PRKCG: variants seen among roughly 807,000 people sequenced by gnomAD.
PRKCG encodes protein kinase C gamma type.
A neutral mutation model predicts 82.0 loss-of-function variants in PRKCG; 28 were observed. The observed-to-expected ratio is 0.34, with a 90% CI of 0.25 to 0.47. The LOEUF (loss-of-function observed/expected upper bound fraction) is 0.47. Ranked by LOEUF, PRKCG falls within the 20% of genes least tolerant of loss-of-function variation. The pLI is 1.00. For synonymous variants in PRKCG, 383 were observed against 376.6 expected, an observed-to-expected ratio of 1.02 and a Z score of -0.20; for missense variants, 640 against 952.7, an observed-to-expected ratio of 0.67 and a Z score of 4.32.
At chr19:53,906,283 T>C (rs2068810003) in intron 16 of PRKCG, 34 bp from the exon 17 acceptor site, 1 of 1,550,476 alleles carries the variant, frequency 6.4e-7, no homozygotes, top group Admixed American at 2.0e-5. Flanking sequence ...ACTCTGTCTG[T>C]TTGTCTGTCT....
chr19:53,899,267 T>A (rs1224148817), intron 11 of PRKCG, among the ~76,000 whole-genome samples: 1 of 151,418 alleles, frequency 6.6e-6, no homozygotes, highest in Non-Finnish European at 1.5e-5. Flanking sequence ...TTGGGGGGAG[T>A]GGCCAGATGC....
chr19:53,899,015 A>C (rs1166127823), intron 11 of PRKCG, among the ~76,000 whole-genome samples: 6 of 136,722 alleles, frequency 4.4e-5, no homozygotes, highest in Non-Finnish European at 9.2e-5. Flanking sequence ...AGGCGATGGG[A>C]TCATTAATAG....
chr19:53,903,850 CTAAA>C (rs2068782400), intron 15 of PRKCG, among the ~76,000 whole-genome samples: 1 of 152,138 alleles, frequency 6.6e-6, no homozygotes. Context: ...ATACAGTTGT[CTAAA>C]TATTTAAAAT....
rs1447086113 is a variant in PRKCG, at chr19:53,906,832, C to T, written c.2031C>T (p.Asn677=). The change falls in exon 18 of 18, where the codon AAC becomes AAT. Residue 677 remains asparagine (N), a synonymous_variant. Coordinates refer to ENST00000263431, the MANE Select transcript of PRKCG (RefSeq NM_002739.5). ...ATTTCCAGGGCTTCACCTACGTGAACCCCGACTTCGTGCACCCGGATGCCC... is the reference window on the plus strand; with the variant it reads ...ATTTCCAGGGCTTCACCTACGTGAATCCCGACTTCGTGCACCCGGATGCCC... ...QADFQGFTYV[N]PDFVHPDARS... 1.2e-6 allele frequency: 2 copies of T among 1,613,640 alleles called. No individual in the cohort carries two copies. Among genetic ancestry groups the T allele is most frequent in the Non-Finnish European group, 1.7e-6 (2 of 1,180,014 alleles).
At chr19:53,881,108 CAGG>C (rs1442928223), upstream of PRKCG, among the ~76,000 whole-genome samples, 1 of 84,366 alleles carries the variant, frequency 1.2e-5, no homozygotes, top group Admixed American at 1.4e-4. Context: ...GAGTCATAGA[CAGG>C]AGAGAGACCC....
intron 9 of PRKCG, among the ~76,000 whole-genome samples, chr19:53,895,351 T>C (rs2068709938): frequency 6.6e-6 from 1 of 151,708 alleles, no homozygotes; most frequent in African/African-American, 2.4e-5. Context: ...CAGCTGGGCA[T>C]GGTGGAGGCG....
intron 3 of PRKCG, among the ~76,000 whole-genome samples, chr19:53,886,577 A>C (rs1032447044): frequency 4.6e-5 from 7 of 152,122 alleles, no homozygotes; most frequent in African/African-American, 1.7e-4. Flanking sequence ...CTAATTAAAA[A>C]AAAATGTTTT....
rs1204631585 is a variant in PRKCG at position 53,882,512 on chromosome 19, C to G, written c.18C>G (p.Pro6=). Residue 6 remains proline, a synonymous_variant, in exon 1 of 18, where the codon CCC becomes CCG. Transcript: ENST00000263431. The surrounding 1 kb of genome is among the most constrained non-coding windows in gnomAD (Gnocchi z 6.1). ...CTGGGGCCATGGCTGGTCTGGGCCCCGGCGTAGGCGATTCAGAGGGGGGAC... is the reference window on the plus strand; with the variant it reads ...CTGGGGCCATGGCTGGTCTGGGCCCGGGCGTAGGCGATTCAGAGGGGGGAC... MAGLG[P]GVGDSEGGPR... 6.8e-6 allele frequency: 11 copies of G among 1,613,990 alleles called. No homozygotes were observed. Among genetic ancestry groups the G allele is most frequent in the Non-Finnish European group, 9.3e-6 (11 of 1,179,932 alleles).
At chr19:53,891,400 C>T (rs544838683) in intron 5 of PRKCG, among the ~76,000 whole-genome samples, 22 of 151,900 alleles carry the variant, frequency 1.4e-4, no homozygotes, top group Admixed American at 1.2e-3. Flanking sequence ...CCTCAGCCTC[C>T]TGAGTAGCTG....
intron 16 of PRKCG, among the ~76,000 whole-genome samples, chr19:53,906,084 C>CTTCTTCTTCTTCTT (rs1555808689): frequency 4.3e-4 from 12 of 27,972 alleles, no homozygotes; most frequent in East Asian, 2.0e-3. Context: ...TCCTCCTCCT[C>CTTCTTCTTCTTCTT]CTTCTTCTTC....
Position 53,883,272 on chromosome 19 carries a change from C to G in PRKCG, c.202+78C>G, listed in dbSNP as rs2068606600. 6.5e-7 allele frequency: 1 copy of G among 1,548,892 alleles called. No homozygotes were observed. Among genetic ancestry groups the G allele is most frequent in the Admixed American group, 1.7e-5 (1 of 59,812 alleles). The stretch of plus-strand genomic sequence containing the variant: ...GCCCCACAGCTGAGGCTGCTTGACA[C>G]ACGTGTTCTCTGGTCCCCAGAGAGG... On this transcript the variant is annotated intron_variant, in intron 2 of 17. Coordinates refer to ENST00000263431, the MANE Select transcript of PRKCG (RefSeq NM_002739.5). This position sits in a 1 kb window ranked among gnomAD's most constrained non-coding sequence, Gnocchi z 5.4.
chr19:53,887,605 C>T lies in PRKCG; in HGVS notation c.286-2033C>T, dbSNP rs186789305. On this transcript the variant is annotated intron_variant, in intron 3 of 17. Transcript: ENST00000263431. ...CAGCTCTTTGGGAGGCTGAGGCAAG[C>T]GGATCACGAGGTCAGGAGATCCAAA... 4.7e-4 allele frequency among the ~76,000 whole-genome samples: 67 copies of T among 143,622 alleles called. 3 individuals carry two copies. In the East Asian group the frequency reaches 0.013, roughly 27 times the overall value. The allele number at this position is 143,622 out of a possible 152,430, so 94.2% of individuals were successfully genotyped here.
Position 53,883,227 on chromosome 19 carries a change from T to G in PRKCG, c.202+33T>G. ...CTGGGGACCGGGGCTCCTGGGACCC[T>G]CAGGAGGGTGGAGGCTGGGGCCCCA... On this transcript the variant is annotated intron_variant, in intron 2 of 17. Transcript: ENST00000263431. This position sits in a 1 kb window ranked among gnomAD's most constrained non-coding sequence, Gnocchi z 5.4. 1 of 1,613,014 alleles carries G rather than the reference T, an allele frequency of 6.2e-7. No homozygotes were observed.
rs371371194 is a variant in PRKCG at position 53,889,863 on chromosome 19, C to T, written c.398-23C>T. 3.4e-4 allele frequency: 535 copies of T among 1,572,792 alleles called. No individual in the cohort carries two copies. The highest frequency in any genetic ancestry group is 4.3e-4 in the Non-Finnish European group (496 of 1,159,904). On this transcript the variant is annotated intron_variant, in intron 4 of 17. Transcript: ENST00000263431. This position sits in a 1 kb window ranked among gnomAD's most constrained non-coding sequence, Gnocchi z 4.4. ...TGGCTTGGGGGCGGGGCCTGAGGTG[C>T]TACCCGCAGCTTTCCCCTCCAGGCT...
chr19:53,897,967 G>C lies in PRKCG; in HGVS notation c.948G>C (p.Arg316=). ...NYPLELYERV[R]MGPSSSPIPS... The stretch of plus-strand genomic sequence containing the variant: ...CTTTCTCCTTTCCACAGCGGGTGCG[G>C]ATGGGCCCCTCTTCCTCTCCCATCC... Residue 316 remains arginine, a synonymous_variant, in exon 10 of 18, where the codon CGG becomes CGC. Coordinates refer to ENST00000263431, the MANE Select transcript of PRKCG (RefSeq NM_002739.5). The C allele has an allele frequency of 1.2e-6, 2 of 1,614,062 alleles. No homozygotes were observed. The highest frequency in any genetic ancestry group is 1.7e-6 in the Non-Finnish European group (2 of 1,180,008).
Position 53,892,878 on chromosome 19 carries a change from C to T in PRKCG, c.822-110C>T. On this transcript the variant is annotated intron_variant, in intron 7 of 17. Coordinates refer to ENST00000263431, the MANE Select transcript of PRKCG (RefSeq NM_002739.5). The surrounding 1 kb of genome is among the most constrained non-coding windows in gnomAD (Gnocchi z 5.9). ...CTTTTTATCTCACTCTTTCTCTCTT[C>T]CATCTCTGTGTCCGTCTCTCTGTGT... The T allele has an allele frequency of 8.8e-7, 1 of 1,140,022 alleles. No individual in the cohort carries two copies. The highest frequency in any genetic ancestry group is 1.3e-6 in the Non-Finnish European group (1 of 776,064). The allele number at this position is 1,140,022 out of a possible 1,614,324, so 70.6% of individuals were successfully genotyped here. A position where few individuals can be genotyped will look rare whatever the true frequency, so the allele number is the denominator to read the frequency against.
intron 11 of PRKCG, among the ~76,000 whole-genome samples, chr19:53,899,746 T>G (rs2068748826): frequency 6.6e-6 from 1 of 151,672 alleles, no homozygotes; most frequent in African/African-American, 2.4e-5. Context: ...GCCACCACAC[T>G]CAGCTGATTT....
Position 53,898,579 on chromosome 19 carries a change from G to GC in PRKCG, c.1233dup (p.Gly412ArgfsTer42). 6.2e-7 allele frequency: 1 copy of GC among 1,608,312 alleles called. No individual in the cohort carries two copies. The highest frequency in any genetic ancestry group is 8.5e-7 in the Non-Finnish European group (1 of 1,178,130). On this transcript the variant is annotated frameshift_variant, in exon 11 of 18. Transcript: ENST00000263431. LOFTEE classifies it high-confidence loss of function. ...CTGGCGCTGGGGGGCCGGGGTCCTGGCGGCCGGCCCCACTTCCTCACCCAG... is the reference window on the plus strand; with the variant it reads ...CTGGCGCTGGGGGGCCGGGGTCCTGGCCGGCCGGCCCCACTTCCTCACCCAG...
In PRKCG at chr19:53,884,174, G is replaced by A. The variant is rs2068614602; in HGVS notation, c.216G>A (p.Val72=). 1 of 1,614,134 alleles carries A rather than the reference G, an allele frequency of 6.2e-7. No homozygotes were observed. The highest frequency in any genetic ancestry group is 2.2e-5 in the East Asian group (1 of 44,878). ...QGLQCQVCSF[V]VHRRCHEFVT... Reference sequence around the variant, plus strand: ...TTTCATCTATAGTCTGCAGCTTTGTGGTTCATCGACGATGCCACGAATTTG... The same window carrying A: ...TTTCATCTATAGTCTGCAGCTTTGTAGTTCATCGACGATGCCACGAATTTG... Residue 72 remains valine (V), a synonymous_variant, in exon 3 of 18, where the codon GTG becomes GTA. Coordinates refer to ENST00000263431, the MANE Select transcript of PRKCG (RefSeq NM_002739.5). The surrounding 1 kb of genome is among the most constrained non-coding windows in gnomAD (Gnocchi z 4.6).
Sources: allele counts gnomAD v4.1 joint callset (sites outside exome capture counted in the v4.1 genomes callset), GRCh38; gene constraint gnomAD v4.1.1; non-coding constraint Gnocchi (gnomAD v3.1); transcripts MANE v1.5; gene names NCBI Gene and HGNC (gene_info 2026-07-23, HGNC 2026-07-21).